CA1: variants seen among roughly 807,000 people sequenced by gnomAD.
The protein encoded by CA1 is carbonic anhydrase 1.
In CA1, 27 loss-of-function variants were observed where a neutral mutation model predicts 28.8. That is an observed-to-expected ratio of 0.94 (90% CI 0.69 to 1.29). The LOEUF (loss-of-function observed/expected upper bound fraction) is 1.29. Ranked by LOEUF, CA1 falls within the 50% of genes most tolerant of loss-of-function variation. The pLI is 0.00. For synonymous variants in CA1, 121 were observed against 108.8 expected (o/e 1.11, Z -0.70); for missense variants, 335 against 310.5 (o/e 1.08, Z -0.59).
chr8:85,362,030 T>A (rs772108133), intron 1 of CA1, among the ~76,000 whole-genome samples: 39 of 152,296 alleles, frequency 2.6e-4, no homozygotes, highest in Non-Finnish European at 5.0e-4. Flanking sequence ...CTTCTGGCAG[T>A]CACAAATCCA....
intron 1 of CA1, among the ~76,000 whole-genome samples, chr8:85,354,503 A>T (rs1809532212): frequency 6.6e-6 from 1 of 152,158 alleles, no homozygotes. Context: ...TCTAAAAAAT[A>T]TCTGTTTCCT....
intron 1 of CA1, among the ~76,000 whole-genome samples, chr8:85,365,442 G>A (rs1250166048): frequency 6.6e-6 from 1 of 152,172 alleles, no homozygotes; most frequent in Non-Finnish European, 1.5e-5. Flanking sequence ...GCTGGACAGA[G>A]CCTCCCTAAT....
At chr8:85,341,785 C>A in intron 1 of CA1, 126 bp from the exon 2 acceptor site, 1 of 639,698 alleles carries the variant, frequency 1.6e-6, no homozygotes, top group East Asian at 2.7e-5. Flanking sequence ...TTCATCATCT[C>A]TGCTTATCAG....
intron 6 of CA1, among the ~76,000 whole-genome samples, chr8:85,330,920 T>C (rs1808371043): frequency 6.6e-6 from 1 of 152,150 alleles, no homozygotes; most frequent in African/African-American, 2.4e-5. Context: ...GTTTTTTGTT[T>C]TGTTTGTCTG....
intron 1 of CA1, among the ~76,000 whole-genome samples, chr8:85,362,185 C>T (rs534374275): frequency 3.9e-5 from 6 of 152,294 alleles, no homozygotes; most frequent in South Asian, 4.1e-4. Context: ...ATCCTCAAAG[C>T]GAGCAGTATA....
At chr8:85,331,986 C>A (rs945667091) in intron 6 of CA1, among the ~76,000 whole-genome samples, 1 of 152,042 alleles carries the variant, frequency 6.6e-6, no homozygotes, top group South Asian at 2.1e-4. Context: ...CAAAACATGA[C>A]AAATCTCTGA....
intron 1 of CA1, chr8:85,351,613 T>C (rs1422629517): frequency 6.6e-6 from 1 of 152,190 alleles, no homozygotes; most frequent in Non-Finnish European, 1.5e-5. Flanking sequence ...CGCCTGAGGG[T>C]AATCCTAGAT....
intron 1 of CA1, among the ~76,000 whole-genome samples, chr8:85,371,831 A>G (rs368603337): frequency 6.6e-5 from 10 of 152,258 alleles, no homozygotes; most frequent in East Asian, 3.9e-4. Flanking sequence ...TTCACTGAGG[A>G]ACTTTTGAAC....
chr8:85,352,442 A>G (rs1301579100), intron 1 of CA1, among the ~76,000 whole-genome samples: 1 of 152,182 alleles, frequency 6.6e-6, no homozygotes, highest in Non-Finnish European at 1.5e-5. Flanking sequence ...GATTTAGGTT[A>G]GCTTGAATGT....
At chr8:85,339,222 A>C (rs1808814224) in intron 2 of CA1, among the ~76,000 whole-genome samples, 1 of 152,208 alleles carries the variant, frequency 6.6e-6, no homozygotes, top group African/African-American at 2.4e-5. Context: ...GCAACCTTGC[A>C]TCAAGCAAGC....
intron 1 of CA1, among the ~76,000 whole-genome samples, chr8:85,369,035 C>G (rs1017349837): frequency 6.6e-6 from 1 of 152,130 alleles, no homozygotes; most frequent in Non-Finnish European, 1.5e-5. Flanking sequence ...ATCAGGACAC[C>G]TAGGAACATT....
chr8:85,337,249 C>T (rs1189581494), intron 3 of CA1, 186 bp from the exon 4 acceptor site: 1 of 605,010 alleles, frequency 1.7e-6, no homozygotes, highest in East Asian at 3.0e-5. Flanking sequence ...GCACCCCTGA[C>T]TGTGGCATTG....
At position 85,338,364 on chromosome 8, in the gene CA1, A is replaced by G. The variant is rs1808752328; in HGVS notation, c.123T>C (p.His41=). 1.2e-6 allele frequency: 2 copies of G among 1,613,780 alleles called. No individual in the cohort carries two copies. Among genetic ancestry groups the G allele is most frequent in the Non-Finnish European group, 1.7e-6 (2 of 1,179,702 alleles). Residue 41 remains histidine (H), a synonymous_variant, in exon 3 of 8, where the codon CAT becomes CAC. Coordinates refer to ENST00000523022, the MANE Select transcript of CA1 (RefSeq NM_001128831.4). ...PVDIKTSETK[H]DTSLKPISVS... is the part of the protein sequence containing the mutation. ...CACTAATAGGTTTCAGAGAGGTGTCATGTTTGGTTTCACTGGTTTTAATAT... is the reference window on the plus strand; with the variant it reads ...CACTAATAGGTTTCAGAGAGGTGTCGTGTTTGGTTTCACTGGTTTTAATAT...
At chr8:85,347,384 G>A (rs1444241320) in intron 1 of CA1, among the ~76,000 whole-genome samples, 3 of 152,130 alleles carry the variant, frequency 2.0e-5, no homozygotes, top group African/African-American at 7.2e-5. Context: ...GAGGTATCTG[G>A]GAGTTAGATG....
chr8:85,339,152 T>C (rs889852242), intron 2 of CA1, among the ~76,000 whole-genome samples: 3 of 152,244 alleles, frequency 2.0e-5, no homozygotes, highest in Admixed American at 6.5e-5. Flanking sequence ...ACTCATTTTA[T>C]TGCGCTTCAC....
chr8:85,356,276 GT>G (rs1387222523), intron 1 of CA1, among the ~76,000 whole-genome samples: 5 of 152,066 alleles, frequency 3.3e-5, no homozygotes, highest in Non-Finnish European at 7.4e-5. Context: ...TTGAGCTTCA[GT>G]TTTTTTGTTT....
intron 1 of CA1, among the ~76,000 whole-genome samples, chr8:85,355,006 A>C (rs1020933035): frequency 1.3e-5 from 2 of 152,156 alleles, no homozygotes; most frequent in Non-Finnish European, 2.9e-5. Context: ...GGTCTTATGT[A>C]ACAGCCAATG....
intron 1 of CA1, among the ~76,000 whole-genome samples, chr8:85,345,886 A>G (rs1235859462): frequency 6.6e-6 from 1 of 152,184 alleles, no homozygotes; most frequent in Non-Finnish European, 1.5e-5. Context: ...GACACTTTGT[A>G]AGTGTCAAAA....
rs969040998 is a variant in CA1 at position 85,327,746 on chromosome 8, A to G, written c.*814T>C. The G allele has an allele frequency of 5.3e-5, 8 of 152,216 alleles. No individual in the cohort carries two copies. The highest frequency in any genetic ancestry group is 1.9e-4 in the African/African-American group (8 of 41,464). The allele number at this position is 152,216 out of a possible 1,614,324, so 9.4% of individuals were successfully genotyped here. A position where few individuals can be genotyped will look rare whatever the true frequency, so the allele number is the denominator to read the frequency against. ...TAAAGATAAAAATAGCATAAGGTGAAGCGCACATCTGACTAAAAGATTGCA... is the reference window on the plus strand; with the variant it reads ...TAAAGATAAAAATAGCATAAGGTGAGGCGCACATCTGACTAAAAGATTGCA... On this transcript the variant is annotated 3_prime_UTR_variant, in exon 8 of 8. Coordinates refer to ENST00000523022, the MANE Select transcript of CA1 (RefSeq NM_001128831.4).
Sources: allele counts gnomAD v4.1 joint callset (sites outside exome capture counted in the v4.1 genomes callset), GRCh38; gene constraint gnomAD v4.1.1; transcripts MANE v1.5; gene names NCBI Gene and HGNC (gene_info 2026-07-23, HGNC 2026-07-21).